CHRM3: variants seen among roughly 807,000 people sequenced by gnomAD.
CHRM3 encodes muscarinic acetylcholine receptor M3.
Under a neutral mutation model 41.8 loss-of-function variants are expected in CHRM3, and 11 were observed. The ratio of observed to expected loss-of-function variants is 0.26; its 90% CI spans 0.17 to 0.44. The LOEUF is 0.44. Among genes scored for constraint, CHRM3 ranks in the 20% least tolerant of loss-of-function variants. The pLI is 1.00. For missense variants in CHRM3, 571 were observed against 745.4 expected (o/e 0.77, Z 2.72); for synonymous variants, 297 against 301.4 (o/e 0.99, Z 0.15).
At chr1:239,859,423 T>G (rs199732059) in intron 6 of CHRM3, among the ~76,000 whole-genome samples, 46,466 of 138,062 alleles carry the variant, frequency 0.34, 8,016 homozygotes, top group Admixed American at 0.42. Context: ...GTTGTTGTTT[T>G]TTTTTTTTGT....
chr1:239,778,429 C>A (rs1175898167), intron 5 of CHRM3, among the ~76,000 whole-genome samples: 2 of 152,290 alleles, frequency 1.3e-5, no homozygotes, highest in East Asian at 1.9e-4. Flanking sequence ...CTCCCCATAT[C>A]CTGGTTTTAA....
At chr1:239,864,099 G>T (rs547354469) in intron 6 of CHRM3, among the ~76,000 whole-genome samples, 4 of 150,034 alleles carry the variant, frequency 2.7e-5, no homozygotes, top group Non-Finnish European at 5.9e-5. Context: ...AAAAAACTCA[G>T]TTGGGTGAGA....
chr1:239,820,052 A>G (rs1671909197), intron 5 of CHRM3, among the ~76,000 whole-genome samples: 1 of 152,170 alleles, frequency 6.6e-6, no homozygotes, highest in Admixed American at 6.5e-5. Flanking sequence ...AGGGTAATTC[A>G]CACAACCTGT....
Position 239,697,951 on chromosome 1 carries a change from A to C in CHRM3, c.-147+19663A>C, listed in dbSNP as rs141136883. On this transcript the variant is annotated intron_variant, in intron 5 of 6. Transcript: ENST00000676153. ...TTTTCTTCATACTTGTGGCATCAAA[A>C]ACCACTGTCCTGGTAGATGATGAGA... Among the ~76,000 whole-genome samples the C allele has an allele frequency of 3.5e-3, 529 of 152,292 alleles. 11 individuals are homozygous for C. Among genetic ancestry groups the C allele is most frequent in the Admixed American group, 0.032 (485 of 15,288 alleles).
intron 6 of CHRM3, among the ~76,000 whole-genome samples, chr1:239,833,255 A>G (rs1673040647): frequency 6.6e-6 from 1 of 152,160 alleles, no homozygotes; most frequent in Non-Finnish European, 1.5e-5. Context: ...TCAAGTTTAT[A>G]TACTTCAACT....
chr1:239,688,251 AAAT>A (rs1291746024), intron 5 of CHRM3, among the ~76,000 whole-genome samples: 6 of 147,898 alleles, frequency 4.1e-5, no homozygotes, highest in African/African-American at 7.4e-5. Context: ...ATCTATTATT[AAAT>A]AATATATAAT....
chr1:239,392,089 T>A (rs1041650783), intron 1 of CHRM3, among the ~76,000 whole-genome samples: 1 of 152,224 alleles, frequency 6.6e-6, no homozygotes, highest in Non-Finnish European at 1.5e-5. Context: ...AAATTTTAGC[T>A]ATGACCTTGG....
chr1:239,595,975 T>C (rs994409558), intron 3 of CHRM3, among the ~76,000 whole-genome samples: 1 of 152,194 alleles, frequency 6.6e-6, no homozygotes, highest in Non-Finnish European at 1.5e-5. Flanking sequence ...TAAGAATCAG[T>C]GTAATTTCAC....
chr1:239,445,502 G>A (rs1294697375), intron 1 of CHRM3, among the ~76,000 whole-genome samples: 1 of 152,168 alleles, frequency 6.6e-6, no homozygotes, highest in African/African-American at 2.4e-5. Context: ...CTCTGTTGCG[G>A]GTGGACTGTG....
At position 239,567,751 on chromosome 1, in the gene CHRM3, T is replaced by G. The variant is rs16838529; in HGVS notation, c.-313+22002T>G. Among the ~76,000 whole-genome samples the G allele has an allele frequency of 2.2e-4, 34 of 152,254 alleles. No homozygotes were observed. In the East Asian group the frequency reaches 5.0e-3, roughly 22 times the overall value. ...CAAGAGGGCCTTCTGGCTGTTTCCTTTGGGCTCCAGGATGCTGCCTTTCCC... is the reference window on the plus strand; with the variant it reads ...CAAGAGGGCCTTCTGGCTGTTTCCTGTGGGCTCCAGGATGCTGCCTTTCCC... On this transcript the variant is annotated intron_variant, in intron 3 of 6. Transcript: ENST00000676153.
chr1:239,595,160 C>T (rs1357844679), intron 3 of CHRM3, among the ~76,000 whole-genome samples: 1 of 152,146 alleles, frequency 6.6e-6, no homozygotes. Context: ...CTTTTATTCC[C>T]TAAACAATAC....
chr1:239,737,094 C>T lies in CHRM3; in HGVS notation c.-147+58806C>T, dbSNP rs182264061. On this transcript the variant is annotated intron_variant, in intron 5 of 6. Transcript: ENST00000676153. ...ACATGTGACTTAATATCAACATTTT[C>T]TTCATTCATATTACTTCTCTAATAT... is the stretch of plus-strand genomic sequence containing the variant. Among the ~76,000 whole-genome samples, 455 of 152,216 alleles carry T rather than the reference C, an allele frequency of 3.0e-3. 1 individual carries two copies. The highest frequency in any genetic ancestry group is 0.01 in the African/African-American group (430 of 41,554).
chr1:239,899,203 T>C (rs971575449), intron 6 of CHRM3, among the ~76,000 whole-genome samples: 2 of 152,010 alleles, frequency 1.3e-5, no homozygotes, highest in Non-Finnish European at 2.9e-5. Flanking sequence ...TACGTCCTAT[T>C]CAATTTGCTG....
intron 5 of CHRM3, among the ~76,000 whole-genome samples, chr1:239,788,075 A>AT (rs1396375211): frequency 7.9e-5 from 12 of 151,318 alleles, no homozygotes; most frequent in African/African-American, 1.9e-4. Context: ...CTCTACAACA[A>AT]TTTTTTTTTA....
chr1:239,766,959 G>A (rs917258650), intron 5 of CHRM3, among the ~76,000 whole-genome samples: 16 of 152,096 alleles, frequency 1.1e-4, no homozygotes, highest in Admixed American at 3.3e-4. Flanking sequence ...CGATCCACCC[G>A]CCTCAGCCTC....
chr1:239,572,746 C>CT (rs1212834840), intron 3 of CHRM3, among the ~76,000 whole-genome samples: 1 of 152,100 alleles, frequency 6.6e-6, no homozygotes, highest in African/African-American at 2.4e-5. Flanking sequence ...AATGTCAGCT[C>CT]TTAATGGATG....
chr1:239,631,597 T>C (rs1390516565), intron 3 of CHRM3, among the ~76,000 whole-genome samples: 1 of 152,190 alleles, frequency 6.6e-6, no homozygotes, highest in East Asian at 1.9e-4. Context: ...TCTTTTTCTT[T>C]CTCTAGGTTA....
chr1:239,721,638 A>G (rs1662978495), intron 5 of CHRM3, among the ~76,000 whole-genome samples: 1 of 151,958 alleles, frequency 6.6e-6, no homozygotes, highest in Non-Finnish European at 1.5e-5. Context: ...TGTCCTTTAC[A>G]TATTGTCAGT....
chr1:239,759,156 GGT>G (rs1666489267), intron 5 of CHRM3, among the ~76,000 whole-genome samples: 1 of 133,032 alleles, frequency 7.5e-6, no homozygotes, highest in African/African-American at 3.5e-5. Flanking sequence ...GAGCTTTATG[GGT>G]TTTTTTTTTT....
Sources: allele counts gnomAD v4.1 joint callset (sites outside exome capture counted in the v4.1 genomes callset), GRCh38; gene constraint gnomAD v4.1.1; transcripts MANE v1.5; gene names NCBI Gene and HGNC (gene_info 2026-07-23, HGNC 2026-07-21).